Variants in ASAP2 observed in about 807,000 individuals in gnomAD.
ASAP2 encodes arf-GAP with SH3 domain, ANK repeat and PH domain-containing protein 2.
A neutral mutation model predicts 131.4 loss-of-function variants in ASAP2; 45 were observed. That is an observed-to-expected ratio of 0.34 (90% CI 0.27 to 0.44). The LOEUF (loss-of-function observed/expected upper bound fraction) is 0.44, where lower values mean the gene tolerates loss of function less well. Among genes scored for constraint, ASAP2 ranks in the 20% least tolerant of loss-of-function variants. ASAP2 has a pLI of 1.00. For missense variants in ASAP2, 1,011 were observed against 1,297.0 expected, an observed-to-expected ratio of 0.78 and a Z score of 3.39; for synonymous variants, 510 against 503.0, an observed-to-expected ratio of 1.01 and a Z score of -0.19.
At chr2:9,298,850 G>C (rs951291056) in intron 3 of ASAP2, among the ~76,000 whole-genome samples, 1 of 152,180 alleles carries the variant, frequency 6.6e-6, no homozygotes, top group African/African-American at 2.4e-5. Context: ...CTTCAGTACA[G>C]ATGAGCAGCC....
intron 1 of ASAP2, among the ~76,000 whole-genome samples, chr2:9,252,805 A>G (rs1388226694): frequency 6.7e-6 from 1 of 150,274 alleles, no homozygotes. Flanking sequence ...AATCCCAGCT[A>G]CTCGGGAGGC....
intron 9 of ASAP2, among the ~76,000 whole-genome samples, chr2:9,338,734 G>A (rs1221672410): frequency 6.6e-6 from 1 of 152,222 alleles, no homozygotes; most frequent in African/African-American, 2.4e-5. Context: ...TGGGGGTGGG[G>A]ACAGAGAAGC....
intron 1 of ASAP2, among the ~76,000 whole-genome samples, chr2:9,213,407 G>A (rs1661748878): frequency 2.0e-5 from 3 of 152,204 alleles, no homozygotes; most frequent in Admixed American, 2.0e-4. Context: ...CCATCTTGGG[G>A]AAGGAATTTG....
chr2:9,387,080 G>T (rs972627014), intron 21 of ASAP2, among the ~76,000 whole-genome samples: 73 of 151,222 alleles, frequency 4.8e-4, no homozygotes, highest in African/African-American at 1.7e-3. Context: ...GTGGTGGGTG[G>T]GGGGGCGCCT....
At chr2:9,368,392 T>G in intron 15 of ASAP2, 33 bp from the exon 16 acceptor site, 3 of 1,569,004 alleles carry the variant, frequency 1.9e-6, no homozygotes, top group South Asian at 1.1e-5. Flanking sequence ...TATTAATAAT[T>G]GAGTATCCTG....
intron 1 of ASAP2, among the ~76,000 whole-genome samples, chr2:9,275,115 C>T (rs1666675798): frequency 6.9e-6 from 1 of 144,634 alleles, no homozygotes; most frequent in African/African-American, 2.6e-5. Context: ...CAGGGTCTGT[C>T]TGTCACCCAG....
chr2:9,317,812 A>T (rs371237622), intron 3 of ASAP2, among the ~76,000 whole-genome samples: 2 of 150,880 alleles, frequency 1.3e-5, no homozygotes, highest in African/African-American at 4.9e-5. Flanking sequence ...ACACACTCAC[A>T]CAATCACACC....
At chr2:9,214,063 G>C (rs1342661317) in intron 1 of ASAP2, among the ~76,000 whole-genome samples, 2 of 152,138 alleles carry the variant, frequency 1.3e-5, no homozygotes, top group African/African-American at 4.8e-5. Flanking sequence ...GGCATTGTCA[G>C]ATGCCTGGGA....
chr2:9,380,983 G>A (rs113502884), intron 20 of ASAP2, among the ~76,000 whole-genome samples, 175 bp downstream of exon 20: 1,559 of 152,282 alleles, frequency 0.01, 23 homozygotes, highest in African/African-American at 0.028. Flanking sequence ...GGAGTCTACA[G>A]GGAAACCTAG....
chr2:9,311,563 G>T lies in ASAP2; in HGVS notation c.346-6961G>T, dbSNP rs1215610456. Among the ~76,000 whole-genome samples the T allele has an allele frequency of 1.3e-5, 2 of 152,172 alleles. No homozygotes were observed. The highest frequency in any genetic ancestry group is 2.9e-5 in the Non-Finnish European group (2 of 68,032). On this transcript the variant is annotated intron_variant, in intron 3 of 27. Coordinates refer to ENST00000281419, the MANE Select transcript of ASAP2 (RefSeq NM_003887.3). The surrounding 1 kb of genome is among the most constrained non-coding windows in gnomAD (Gnocchi z 5.2). ...AAATATTCTGGTTGGGTTACCCAGG[G>T]ATAATGTAATTCTTCCCATAGAGCA...
intron 5 of ASAP2, among the ~76,000 whole-genome samples, chr2:9,322,487 C>T (rs58150803): frequency 1.6e-3 from 238 of 152,314 alleles, no homozygotes; most frequent in African/African-American, 5.4e-3. Context: ...TAAAAACTCA[C>T]GGCTATTTCA....
intron 23 of ASAP2, among the ~76,000 whole-genome samples, chr2:9,391,543 T>C (rs935193804): frequency 2.0e-5 from 3 of 152,066 alleles, no homozygotes; most frequent in Non-Finnish European, 4.4e-5. Context: ...TCACTTGGAT[T>C]AGAATCTGGC....
intron 3 of ASAP2, among the ~76,000 whole-genome samples, chr2:9,306,606 G>T (rs1009259904): frequency 1.3e-5 from 2 of 151,876 alleles, no homozygotes; most frequent in African/African-American, 2.4e-5. Context: ...AAAATGGGGG[G>T]CTGTGAGCTG....
rs557045105 is a variant in ASAP2, at chr2:9,315,668, T to G, written c.346-2856T>G. Among the ~76,000 whole-genome samples the G allele has an allele frequency of 1.7e-4, 26 of 152,222 alleles. No homozygotes were observed. The South Asian group carries it at 5.4e-3, about 32-fold the overall frequency. On this transcript the variant is annotated intron_variant, in intron 3 of 27. Transcript: ENST00000281419. ...CCTGTCTGGCTGCCAGGACTGTCAATGACAGTGGAAATCTAGGCGTGCTTG... is the reference window on the plus strand; with the variant it reads ...CCTGTCTGGCTGCCAGGACTGTCAAGGACAGTGGAAATCTAGGCGTGCTTG...
At chr2:9,362,312 C>G (rs1327325371) in intron 15 of ASAP2, among the ~76,000 whole-genome samples, 1 of 152,194 alleles carries the variant, frequency 6.6e-6, no homozygotes, top group Non-Finnish European at 1.5e-5. Context: ...TGGACAGGTT[C>G]TCTCACAGGA....
chr2:9,334,331 T>A (rs1671053447), intron 7 of ASAP2, among the ~76,000 whole-genome samples: 2 of 151,926 alleles, frequency 1.3e-5, no homozygotes, highest in Admixed American at 1.3e-4. Flanking sequence ...CCTGGGATTA[T>A]AGGCATGAGC....
At chr2:9,384,177 A>G (rs2148758640) in intron 20 of ASAP2, among the ~76,000 whole-genome samples, 1 of 152,326 alleles carries the variant, frequency 6.6e-6, no homozygotes, top group East Asian at 1.9e-4. Flanking sequence ...AAATAAATTA[A>G]TTAAAAAGAA....
chr2:9,233,089 T>C (rs542522998), intron 1 of ASAP2, among the ~76,000 whole-genome samples: 1 of 152,202 alleles, frequency 6.6e-6, no homozygotes, highest in Non-Finnish European at 1.5e-5. Context: ...AAAGTAGTTT[T>C]GTGGTAGAGA....
chr2:9,395,093 G>A (rs577714999), intron 24 of ASAP2, among the ~76,000 whole-genome samples: 31 of 152,302 alleles, frequency 2.0e-4, no homozygotes, highest in Admixed American at 1.6e-3. Flanking sequence ...TCCGCCATAC[G>A]TCACTGCTCA....
Sources: gnomAD v4.1 joint callset for allele counts (sites outside exome capture counted in the v4.1 genomes callset) on GRCh38, gnomAD v4.1.1 for gene constraint, Gnocchi (gnomAD v3.1) non-coding constraint, MANE v1.5 for transcripts, NCBI Gene and HGNC (gene_info 2026-07-23, HGNC 2026-07-21) for gene names.